Variants in IFT52 observed in about 807,000 individuals in gnomAD.
IFT52 encodes the protein intraflagellar transport protein 52 homolog.
Under a neutral mutation model 54.4 loss-of-function variants are expected in IFT52, and 44 were observed. The ratio of observed to expected loss-of-function variants is 0.81; its 90% CI spans 0.63 to 1.04. The LOEUF (loss-of-function observed/expected upper bound fraction) is 1.04. Ranked by LOEUF, IFT52 falls within the 50% of genes least tolerant of loss-of-function variation. The pLI, the probability that IFT52 is intolerant of heterozygous loss-of-function variation, is 0.00. For synonymous variants in IFT52, 181 were observed against 185.3 expected (o/e 0.98, Z 0.19); for missense variants, 452 against 523.6 (o/e 0.86, Z 1.33).
chr20:43,626,011 T>G (rs1255531085), intron 10 of IFT52, among the ~76,000 whole-genome samples: 10 of 115,948 alleles, frequency 8.6e-5, no homozygotes, highest in Admixed American at 7.5e-4. Context: ...CAGAGAGAGA[T>G]CTTGTCTCCG....
At chr20:43,637,084 G>T in intron 11 of IFT52, 61 bp from the exon 12 acceptor site, 2 of 1,161,588 alleles carry the variant, frequency 1.7e-6, no homozygotes, top group South Asian at 2.5e-5. Context: ...TTTCTTGAGA[G>T]ACTTTATTTC....
chr20:43,646,994 T>C lies in IFT52; in HGVS notation c.*11T>C, dbSNP rs755242222. On this transcript the variant is annotated 3_prime_UTR_variant, in exon 14 of 14. Transcript: ENST00000373030. ...CAGAACAATTTCTGAAGACCATGCC[T>C]CTTGAAGCTTTTTCTGCCTCCTGAT... 2 of 1,611,106 alleles carry C rather than the reference T, an allele frequency of 1.2e-6. No homozygotes were observed. Among genetic ancestry groups the C allele is most frequent in the Non-Finnish European group, 8.5e-7 (1 of 1,177,430 alleles).
rs1394205633 is a variant in IFT52, at chr20:43,618,976, C to G, written c.649C>G (p.His217Asp). 1 of 1,613,958 alleles carries G rather than the reference C, an allele frequency of 6.2e-7. No individual in the cohort carries two copies. Among genetic ancestry groups the G allele is most frequent in the Non-Finnish European group, 8.5e-7 (1 of 1,179,904 alleles). The part of the protein sequence containing the change: ...GGKLAVLGSC[H>D]MFSDQYLDKE... ...GAAGCTGGCAGTGCTTGGTTCATGTCACATGTTCAGTGATCAATATTTGGA... is the reference window on the plus strand; with the variant it reads ...GAAGCTGGCAGTGCTTGGTTCATGTGACATGTTCAGTGATCAATATTTGGA... Residue 217 changes from histidine to aspartate, a missense_variant, in exon 8 of 14, where the codon CAC (histidine) becomes GAC (aspartate). Coordinates refer to ENST00000373030, the MANE Select transcript of IFT52 (RefSeq NM_016004.5).
chr20:43,619,042 T>C lies in IFT52; in HGVS notation c.699+16T>C. ...CAAAATCATGGTAAGCTTTTTCTTTTGTCATATTAATATACAATGTGTATT... is the reference window on the plus strand; with the variant it reads ...CAAAATCATGGTAAGCTTTTTCTTTCGTCATATTAATATACAATGTGTATT... On this transcript the variant is annotated intron_variant, in intron 8 of 13. Coordinates refer to ENST00000373030, the MANE Select transcript of IFT52 (RefSeq NM_016004.5). The C allele has an allele frequency of 6.6e-7, 1 of 1,518,110 alleles. No individual in the cohort carries two copies. Among genetic ancestry groups the C allele is most frequent in the East Asian group, 2.3e-5 (1 of 44,444 alleles). The allele number at this position is 1,518,110 out of a possible 1,614,324, so 94.0% of individuals were successfully genotyped here.
At chr20:43,629,330 T>G (rs1262865282) in intron 10 of IFT52, among the ~76,000 whole-genome samples, 1 of 114,258 alleles carries the variant, frequency 8.8e-6, no homozygotes, top group Non-Finnish European at 1.9e-5. Context: ...TGGAGTGCAG[T>G]GGCGCCATCT....
intron 10 of IFT52, among the ~76,000 whole-genome samples, chr20:43,632,167 C>T (rs139666738): frequency 0.011 from 1,710 of 152,190 alleles, 23 homozygotes; most frequent in African/African-American, 0.031. Context: ...CCAGGTGATC[C>T]GCCTGCCTCG....
In IFT52 at chr20:43,617,695, C is replaced by T. The variant is rs551062858; in HGVS notation, c.613-1245C>T. On this transcript the variant is annotated intron_variant, in intron 7 of 13. Transcript: ENST00000373030. ...CTGGCCTCAAGTGATCCACCCGCCTCGGCCTCTTAAAATGCTGGGATTACA... is the reference window on the plus strand; with the variant it reads ...CTGGCCTCAAGTGATCCACCCGCCTTGGCCTCTTAAAATGCTGGGATTACA... Among the ~76,000 whole-genome samples the T allele has an allele frequency of 4.6e-5, 7 of 152,208 alleles. No homozygotes were observed. The East Asian group carries it at 7.7e-4, about 17-fold the overall frequency.
chr20:43,605,268 C>G, intron 6 of IFT52, 195 bp downstream of exon 6: 1 of 1,316,728 alleles, frequency 7.6e-7, no homozygotes, highest in Non-Finnish European at 9.7e-7. Flanking sequence ...TATTTAGGCC[C>G]AGCATGGTGG....
intron 7 of IFT52, 87 bp from the exon 8 acceptor site, chr20:43,618,853 A>G (rs1984060661): frequency 1.2e-6 from 1 of 846,532 alleles, no homozygotes; most frequent in East Asian, 2.5e-5. Context: ...GACAGTTGCT[A>G]GCATGATTCT....
At chr20:43,639,767 A>G (rs1431777052) in intron 12 of IFT52, among the ~76,000 whole-genome samples, 1 of 151,976 alleles carries the variant, frequency 6.6e-6, no homozygotes, top group Non-Finnish European at 1.5e-5. Flanking sequence ...TGGGCCCAAG[A>G]GTTGGAGGCT....
At chr20:43,613,745 A>G (rs1983634596) in intron 6 of IFT52, 105 bp from the exon 7 acceptor site, 1 of 1,120,704 alleles carries the variant, frequency 8.9e-7, no homozygotes, top group Admixed American at 1.9e-5. Flanking sequence ...TGACTGAGTG[A>G]GACTGTTTCA....
intron 9 of IFT52, 73 bp from the exon 10 acceptor site, chr20:43,623,818 T>C (rs1984516870): frequency 6.7e-7 from 1 of 1,482,764 alleles, no homozygotes; most frequent in South Asian, 1.2e-5. Flanking sequence ...GATTTAGACC[T>C]GAGACAGTGG....
chr20:43,625,398 A>C (rs1984642387), intron 10 of IFT52, among the ~76,000 whole-genome samples: 1 of 152,012 alleles, frequency 6.6e-6, no homozygotes, highest in South Asian at 2.1e-4. Context: ...AATCCCAGCT[A>C]CTCAAAGGCT....
chr20:43,616,516 A>G (rs1351089394), intron 7 of IFT52, among the ~76,000 whole-genome samples: 1 of 151,370 alleles, frequency 6.6e-6, no homozygotes, highest in East Asian at 2.0e-4. Context: ...CTCCAAAAAA[A>G]AAAAAAAAAA....
intron 3 of IFT52, among the ~76,000 whole-genome samples, chr20:43,601,524 C>T (rs140270557): frequency 0.016 from 2,447 of 152,312 alleles, 28 homozygotes; most frequent in Non-Finnish European, 0.027. Context: ...TGTTATTGCA[C>T]ACCACATCCT....
chr20:43,610,625 A>G (rs1016147599), intron 6 of IFT52, among the ~76,000 whole-genome samples: 4 of 150,116 alleles, frequency 2.7e-5, no homozygotes, highest in African/African-American at 9.8e-5. Flanking sequence ...TGTAGTCCCA[A>G]CTACTCGGGA....
intron 12 of IFT52, among the ~76,000 whole-genome samples, chr20:43,639,916 C>T (rs1985800335): frequency 6.6e-6 from 1 of 152,078 alleles, no homozygotes. Flanking sequence ...TGGCTCACAC[C>T]TATAATCCCA....
Position 43,637,251 on chromosome 20 carries a change from AGT to A in IFT52, c.1120+1_1120+2del, listed in dbSNP as rs1222706535. 1.3e-6 allele frequency: 2 copies of A among 1,547,070 alleles called. No individual in the cohort carries two copies. The highest frequency in any genetic ancestry group is 2.3e-5 in the East Asian group (1 of 43,182). The stretch of plus-strand genomic sequence containing the variant: ...GCACGGCTGGCTCAGATTACCAATA[AGT>A]GTAAGTTTGGCGAACTTTTTTTTTT... On this transcript the variant is annotated frameshift_variant and splice_region_variant, in exon 12 of 14. Transcript: ENST00000373030. LOFTEE classifies it high-confidence loss of function.
intron 12 of IFT52, among the ~76,000 whole-genome samples, chr20:43,638,086 C>T (rs758455980): frequency 1.3e-5 from 2 of 152,134 alleles, no homozygotes; most frequent in African/African-American, 2.4e-5. Context: ...CATGAATTGC[C>T]TCCAACACAG....
Sources: allele counts gnomAD v4.1 joint callset (sites outside exome capture counted in the v4.1 genomes callset), GRCh38; gene constraint gnomAD v4.1.1; transcripts MANE v1.5; gene names NCBI Gene and HGNC (gene_info 2026-07-23, HGNC 2026-07-21).